The following FAT3 variants were observed in gnomAD, a reference collection of about 807,000 sequenced individuals.
FAT3 encodes FAT atypical cadherin 3.
A neutral mutation model predicts 310.2 loss-of-function variants in FAT3; 95 were observed. The ratio of observed to expected loss-of-function variants is 0.31; its 90% CI spans 0.26 to 0.36. The LOEUF (loss-of-function observed/expected upper bound fraction) is 0.36, where lower values mean the gene tolerates loss of function less well. Among genes scored for constraint, FAT3 ranks in the 10% least tolerant of loss-of-function variants. The pLI is 1.00. For missense variants in FAT3, 5,408 were observed against 5,715.6 expected (o/e 0.95, Z 1.74); for synonymous variants, 2,314 against 2,192.9 (o/e 1.06, Z -1.54).
chr11:92,563,633 C>A (rs1246936014), intron 3 of FAT3, among the ~76,000 whole-genome samples: 1 of 151,862 alleles, frequency 6.6e-6, no homozygotes, highest in Non-Finnish European at 1.5e-5. Context: ...TACTTCGAAA[C>A]CCAGCTTAAA....
chr11:92,230,936 A>G (rs577100555), intron 1 of FAT3, among the ~76,000 whole-genome samples: 1 of 152,332 alleles, frequency 6.6e-6, no homozygotes, highest in African/African-American at 2.4e-5. Flanking sequence ...AATGTATGCA[A>G]GGCACTATGA....
chr11:92,758,220 A>G (rs1017746635), intron 4 of FAT3, among the ~76,000 whole-genome samples: 2 of 152,188 alleles, frequency 1.3e-5, no homozygotes, highest in African/African-American at 2.4e-5. Flanking sequence ...CTTGACCTCA[A>G]ATTGCTCACA....
At chr11:92,323,516 G>A (rs528612510) in intron 1 of FAT3, among the ~76,000 whole-genome samples, 2 of 151,552 alleles carry the variant, frequency 1.3e-5, no homozygotes, top group Non-Finnish European at 2.9e-5. Flanking sequence ...ACCTCCAAAA[G>A]TACTGGGATT....
At chr11:92,605,719 G>A (rs1324799683) in intron 3 of FAT3, among the ~76,000 whole-genome samples, 2 of 99,760 alleles carry the variant, frequency 2.0e-5, no homozygotes, top group Non-Finnish European at 3.7e-5. Context: ...AAATAGCTAT[G>A]TTTTTTTTTT....
intron 4 of FAT3, among the ~76,000 whole-genome samples, chr11:92,702,447 A>C (rs1944127843): frequency 6.6e-6 from 1 of 152,174 alleles, no homozygotes; most frequent in African/African-American, 2.4e-5. Context: ...ACGTTAAATT[A>C]ACTTTGATCC....
chr11:92,373,805 CACACAG>C (rs2134728923), intron 2 of FAT3, among the ~76,000 whole-genome samples: 1 of 129,658 alleles, frequency 7.7e-6, no homozygotes, highest in Admixed American at 7.5e-5. Flanking sequence ...CACACACACA[CACACAG>C]AGACATAGAT....
At chr11:92,468,539 A>G (rs575045241) in intron 2 of FAT3, among the ~76,000 whole-genome samples, 1 of 152,236 alleles carries the variant, frequency 6.6e-6, no homozygotes, top group East Asian at 1.9e-4. Context: ...AAGCCAAGCA[A>G]TGTTTGGAGG....
intron 4 of FAT3, among the ~76,000 whole-genome samples, chr11:92,734,559 CATA>C (rs760640959): frequency 6.6e-6 from 1 of 151,960 alleles, no homozygotes; most frequent in Non-Finnish European, 1.5e-5. Context: ...GGTTGGTTAT[CATA>C]ATAATAATGC....
At chr11:92,577,875 G>A (rs1176991827) in intron 3 of FAT3, among the ~76,000 whole-genome samples, 1 of 151,674 alleles carries the variant, frequency 6.6e-6, no homozygotes, top group Non-Finnish European at 1.5e-5. Flanking sequence ...TTTCTATTAT[G>A]CCTTGTGGGA....
At chr11:92,232,292 G>A (rs559569921) in intron 1 of FAT3, among the ~76,000 whole-genome samples, 10 of 152,066 alleles carry the variant, frequency 6.6e-5, no homozygotes, top group Non-Finnish European at 1.3e-4. Context: ...GCTAATAACA[G>A]TTTCAATCAA....
At chr11:92,622,431 G>C (rs1221081128) in intron 3 of FAT3, among the ~76,000 whole-genome samples, 1 of 152,088 alleles carries the variant, frequency 6.6e-6, no homozygotes, top group Non-Finnish European at 1.5e-5. Flanking sequence ...ATTCTTTGGA[G>C]GCAGTAAAGT....
chr11:92,685,524 G>A lies in FAT3; in HGVS notation c.3608-11860G>A, dbSNP rs1458376688. On this transcript the variant is annotated intron_variant, in intron 3 of 27. Transcript: ENST00000525166. Reference sequence around the variant, plus strand: ...TTACCTGCTTTGGATGGAAGCATGTGTGTGTGTGCACACGCGTACATACAC... The same window carrying A: ...TTACCTGCTTTGGATGGAAGCATGTATGTGTGTGCACACGCGTACATACAC... 2.6e-5 allele frequency among the ~76,000 whole-genome samples: 4 copies of A among 151,654 alleles called. No individual in the cohort carries two copies. The South Asian group carries it at 6.2e-4, about 24-fold the overall frequency.
chr11:92,741,892 T>C lies in FAT3; in HGVS notation c.3670-19964T>C, dbSNP rs556667952. Among the ~76,000 whole-genome samples, 10 of 152,340 alleles carry C rather than the reference T, an allele frequency of 6.6e-5. No homozygotes were observed. The South Asian group carries it at 2.1e-3, about 32-fold the overall frequency. ...GTTTGTTTCCAACCAACAGGATATC[T>C]ACCTAATTTATTAACAATCAAAGAT... On this transcript the variant is annotated intron_variant, in intron 4 of 27. Coordinates refer to ENST00000525166, the MANE Select transcript of FAT3 (RefSeq NM_001367949.2).
At chr11:92,794,342 G>A (rs1364737185) in intron 9 of FAT3, among the ~76,000 whole-genome samples, 1 of 151,966 alleles carries the variant, frequency 6.6e-6, no homozygotes, top group African/African-American at 2.4e-5. Flanking sequence ...TTCCAATGTT[G>A]TGTTTTTTTC....
chr11:92,628,907 C>A (rs1382044393), intron 3 of FAT3, among the ~76,000 whole-genome samples: 1 of 152,298 alleles, frequency 6.6e-6, no homozygotes, highest in Non-Finnish European at 1.5e-5. Context: ...CACACACACA[C>A]ACTCACACAC....
rs934613421 is a variant in FAT3 at position 92,225,075 on chromosome 11, C to T, written c.-117C>T. ...CGGTGGGCGCTGCGGCGGCAGCAGCCGGGGGACCGGCTCGCCCGGAGCAAG... is the reference window on the plus strand; with the variant it reads ...CGGTGGGCGCTGCGGCGGCAGCAGCTGGGGGACCGGCTCGCCCGGAGCAAG... On this transcript the variant is annotated 5_prime_UTR_variant, in exon 1 of 28. Transcript: ENST00000525166. Among the ~76,000 whole-genome samples the T allele has an allele frequency of 1.3e-5, 2 of 151,940 alleles. No individual in the cohort carries two copies. Among genetic ancestry groups the T allele is most frequent in the Non-Finnish European group, 2.9e-5 (2 of 67,960 alleles).
At chr11:92,365,359 C>G (rs770884857) in intron 2 of FAT3, among the ~76,000 whole-genome samples, 1 of 152,140 alleles carries the variant, frequency 6.6e-6, no homozygotes, top group South Asian at 2.1e-4. Flanking sequence ...AAAAAACAGA[C>G]TTTGTAGTTA....
chr11:92,538,844 T>G (rs1954347871), intron 3 of FAT3, among the ~76,000 whole-genome samples: 1 of 152,110 alleles, frequency 6.6e-6, no homozygotes, highest in African/African-American at 2.4e-5. Flanking sequence ...TAATGAATGG[T>G]TATAATATTT....
At chr11:92,256,692 G>A (rs1009495472) in intron 1 of FAT3, among the ~76,000 whole-genome samples, 8 of 152,064 alleles carry the variant, frequency 5.3e-5, no homozygotes, top group East Asian at 3.9e-4. Context: ...ACTCTGGGCC[G>A]TAGGATGTTT....
Sources: gnomAD v4.1 joint callset for allele counts (sites outside exome capture counted in the v4.1 genomes callset) on GRCh38, gnomAD v4.1.1 for gene constraint, MANE v1.5 for transcripts, NCBI Gene and HGNC (gene_info 2026-07-23, HGNC 2026-07-21) for gene names.